Variants in PCSK5 observed in about 807,000 individuals in gnomAD.
PCSK5 encodes proprotein convertase subtilisin/kexin type 5.
PCSK5 carries 129 observed loss-of-function variants against 233.2 expected under a neutral mutation model. The observed-to-expected ratio is 0.55, with a 90% CI of 0.48 to 0.64. PCSK5 has a LOEUF of 0.64. PCSK5 is among the 30% of genes least tolerant of loss of function. The pLI, the probability that PCSK5 is intolerant of heterozygous loss-of-function variation, is 0.00. For synonymous variants in PCSK5, 825 were observed against 879.2 expected (o/e 0.94, Z 1.09); for missense variants, 2,076 against 2,430.1 (o/e 0.85, Z 3.06).
chr9:76,321,351 C>G, intron 30 of PCSK5, 71 bp from the exon 31 acceptor site: 2 of 833,306 alleles, frequency 2.4e-6, no homozygotes, highest in Admixed American at 3.7e-5. Flanking sequence ...GACCTAATTC[C>G]TTTTCCCCAG....
At chr9:75,976,087 A>G (rs1826001173) in intron 2 of PCSK5, among the ~76,000 whole-genome samples, 1 of 152,142 alleles carries the variant, frequency 6.6e-6, no homozygotes, top group African/African-American at 2.4e-5. Context: ...TTGTTTGCAA[A>G]TTTCCTCTTA....
At chr9:76,070,778 TG>T (rs1056653070) in intron 6 of PCSK5, among the ~76,000 whole-genome samples, 22 of 152,320 alleles carry the variant, frequency 1.4e-4, no homozygotes, top group African/African-American at 4.8e-4. Context: ...CTGTTTGATG[TG>T]GGTTTTTATT....
At chr9:76,331,978 A>G (rs1033107256) in intron 33 of PCSK5, among the ~76,000 whole-genome samples, 1 of 152,208 alleles carries the variant, frequency 6.6e-6, no homozygotes, top group Non-Finnish European at 1.5e-5. Context: ...GCAATAAGAG[A>G]CTAATACGGC....
chr9:76,111,025 C>G (rs1587641520), intron 9 of PCSK5, among the ~76,000 whole-genome samples: 1 of 151,894 alleles, frequency 6.6e-6, no homozygotes. Context: ...GAGAATTGTT[C>G]GAACCCAGGA....
At chr9:75,978,639 T>C (rs189200430) in intron 2 of PCSK5, among the ~76,000 whole-genome samples, 285 of 152,334 alleles carry the variant, frequency 1.9e-3, no homozygotes, top group Non-Finnish European at 3.2e-3. Context: ...TTAGATGTTT[T>C]AATAGCTCCA....
intron 20 of PCSK5, among the ~76,000 whole-genome samples, chr9:76,196,461 T>C (rs10869731): frequency 0.24 from 36,684 of 152,222 alleles, 5,870 homozygotes; most frequent in East Asian, 0.86. Context: ...AAAACAGCAG[T>C]GGAGTATAGA....
At position 76,020,106 on chromosome 9, in the gene PCSK5, C is replaced by G. The variant is rs116199268; in HGVS notation, c.412-3632C>G. On this transcript the variant is annotated intron_variant, in intron 3 of 37. Transcript: ENST00000674117. Reference sequence around the variant, plus strand: ...GTGTGGTAACACAATTCTAGACACTCTTCTTTAGTTCCACCTCTGGCAGAG... The same window carrying G: ...GTGTGGTAACACAATTCTAGACACTGTTCTTTAGTTCCACCTCTGGCAGAG... Among the ~76,000 whole-genome samples the G allele has an allele frequency of 6.4e-3, 968 of 152,332 alleles. 16 individuals carry two copies. The highest frequency in any genetic ancestry group is 0.021 in the African/African-American group (860 of 41,572).
intron 5 of PCSK5, among the ~76,000 whole-genome samples, chr9:76,052,266 T>C (rs1357806837): frequency 1.3e-5 from 2 of 152,158 alleles, no homozygotes; most frequent in African/African-American, 4.8e-5. Flanking sequence ...CATAAACATA[T>C]ATACATACAT....
chr9:76,151,021 A>G, intron 10 of PCSK5, among the ~76,000 whole-genome samples: 1 of 151,778 alleles, frequency 6.6e-6, no homozygotes, highest in Non-Finnish European at 1.5e-5. Context: ...AAAAAAAAAA[A>G]AACTATACTT....
chr9:76,196,237 C>G (rs145426453), intron 20 of PCSK5, among the ~76,000 whole-genome samples: 11 of 152,192 alleles, frequency 7.2e-5, no homozygotes, highest in African/African-American at 2.7e-4. Flanking sequence ...TCCTGTAGTG[C>G]GCAGCACACC....
chr9:76,273,005 C>A lies in PCSK5; in HGVS notation c.3143-19228C>A, dbSNP rs182737230. On this transcript the variant is annotated intron_variant, in intron 24 of 37. Coordinates refer to ENST00000674117, the MANE Select transcript of PCSK5 (RefSeq NM_001372043.1). ...AACCTGCATGTTTTTAAGACGGGGG[C>A]AACTATGCTATATTTTGAGGTCTTG... Among the ~76,000 whole-genome samples, 22 of 151,804 alleles carry A rather than the reference C, an allele frequency of 1.4e-4. No homozygotes were observed. In the East Asian group the frequency reaches 3.5e-3, roughly 24 times the overall value.
At chr9:76,243,047 A>G (rs931494000) in intron 24 of PCSK5, among the ~76,000 whole-genome samples, 5 of 152,230 alleles carry the variant, frequency 3.3e-5, no homozygotes, top group Admixed American at 2.6e-4. Flanking sequence ...CATTGGCCTC[A>G]TTCTCCACTT....
chr9:76,324,572 T>C (rs534183682), intron 32 of PCSK5, among the ~76,000 whole-genome samples: 1 of 152,226 alleles, frequency 6.6e-6, no homozygotes, highest in Admixed American at 6.5e-5. Flanking sequence ...CACCTTCCTC[T>C]TCATATCCTT....
intron 13 of PCSK5, among the ~76,000 whole-genome samples, chr9:76,172,143 T>G (rs2131187351): frequency 6.6e-6 from 1 of 152,322 alleles, no homozygotes; most frequent in East Asian, 1.9e-4. Context: ...TTTATATTTA[T>G]TTATTGTCTC....
intron 3 of PCSK5, among the ~76,000 whole-genome samples, chr9:75,986,538 A>C (rs909414009): frequency 6.6e-6 from 1 of 152,340 alleles, no homozygotes; most frequent in Middle Eastern, 3.4e-3. Flanking sequence ...GGATAGAAAA[A>C]TACGCAAAAG....
chr9:75,999,102 G>A (rs763364742), intron 3 of PCSK5, among the ~76,000 whole-genome samples: 7 of 152,042 alleles, frequency 4.6e-5, no homozygotes, highest in Non-Finnish European at 7.4e-5. Flanking sequence ...GGTTACATGT[G>A]TAGAACATGC....
Position 76,262,357 on chromosome 9 carries a change from C to T in PCSK5, c.3142+21673C>T, listed in dbSNP as rs9777110. On this transcript the variant is annotated intron_variant, in intron 24 of 37. Coordinates refer to ENST00000674117, the MANE Select transcript of PCSK5 (RefSeq NM_001372043.1). ...CAAAAGAACAAAGCTGGAGGCATCA[C>T]GCTACCTGACTTCAAACTATACTAT... Among the ~76,000 whole-genome samples the T allele has an allele frequency of 1.5e-4, 23 of 150,924 alleles. No homozygotes were observed. The South Asian group carries it at 4.0e-3, about 26-fold the overall frequency.
chr9:76,080,866 A>G (rs1045245113), intron 7 of PCSK5, among the ~76,000 whole-genome samples: 3 of 152,232 alleles, frequency 2.0e-5, no homozygotes, highest in African/African-American at 7.2e-5. Flanking sequence ...AAAATGGGCA[A>G]AGGTAATAAA....
intron 3 of PCSK5, among the ~76,000 whole-genome samples, chr9:76,020,261 G>A (rs1020313418): frequency 6.6e-6 from 1 of 152,166 alleles, no homozygotes; most frequent in African/African-American, 2.4e-5. Flanking sequence ...ATTTCAACTA[G>A]GCGGTTAAGG....
Sources: allele counts gnomAD v4.1 joint callset (sites outside exome capture counted in the v4.1 genomes callset), GRCh38; gene constraint gnomAD v4.1.1; transcripts MANE v1.5; gene names NCBI Gene and HGNC (gene_info 2026-07-23, HGNC 2026-07-21).